The following TSC22D1 variants were observed in gnomAD, a reference collection of about 807,000 sequenced individuals.
TSC22D1 encodes TSC22 domain family protein 1.
A neutral mutation model predicts 74.2 loss-of-function variants in TSC22D1; 9 were observed. The ratio of observed to expected loss-of-function variants is 0.12; its 90% CI spans 0.07 to 0.21. The LOEUF is 0.21. TSC22D1 is among the 10% of genes least tolerant of loss of function. The probability of loss-of-function intolerance (pLI) is 1.00; values close to 1 mark genes in which losing one functional copy is unlikely to be tolerated. For missense variants in TSC22D1, 1,427 were observed against 1,304.7 expected (o/e 1.09, Z -1.44); for synonymous variants, 586 against 492.5 (o/e 1.19, Z -2.51).
chr13:44,445,696 T>G (rs893087581), intron 1 of TSC22D1, among the ~76,000 whole-genome samples: 4 of 151,764 alleles, frequency 2.6e-5, no homozygotes, highest in African/African-American at 9.7e-5. Flanking sequence ...AACAACCCAT[T>G]AAAAGAAAAG....
intron 1 of TSC22D1, among the ~76,000 whole-genome samples, chr13:44,470,185 C>T (rs1877518697): frequency 6.6e-6 from 1 of 152,090 alleles, no homozygotes; most frequent in African/African-American, 2.4e-5. Context: ...ATGAAGGGAA[C>T]AAATATGAAA....
At chr13:44,466,870 A>G (rs893884205) in intron 1 of TSC22D1, among the ~76,000 whole-genome samples, 1 of 151,854 alleles carries the variant, frequency 6.6e-6, no homozygotes, top group African/African-American at 2.4e-5. Context: ...ATTAGCAACA[A>G]TAACTGCTAT....
intron 1 of TSC22D1, chr13:44,451,493 T>C (rs532082035): frequency 6.6e-6 from 1 of 152,230 alleles, no homozygotes; most frequent in South Asian, 2.1e-4. Flanking sequence ...GAACGAAGTG[T>C]TTAAAAAATG....
At chr13:44,487,535 AAAAG>A (rs1488093761) in intron 1 of TSC22D1, among the ~76,000 whole-genome samples, 1 of 150,430 alleles carries the variant, frequency 6.6e-6, no homozygotes, top group Non-Finnish European at 1.5e-5. Flanking sequence ...AAAGAAAAGA[AAAAG>A]AAATTACCAG....
chr13:44,567,335 G>A (rs1052070493), intron 1 of TSC22D1, among the ~76,000 whole-genome samples: 2 of 152,126 alleles, frequency 1.3e-5, no homozygotes, highest in African/African-American at 4.8e-5. Flanking sequence ...TACCATACAG[G>A]AAAGCTAACA....
chr13:44,568,194 C>A (rs149490874), intron 1 of TSC22D1, among the ~76,000 whole-genome samples: 1 of 152,254 alleles, frequency 6.6e-6, no homozygotes, highest in East Asian at 1.9e-4. Flanking sequence ...AGACACTAGT[C>A]TCTGGAAAAT....
At chr13:44,508,518 T>G (rs1378420805) in intron 1 of TSC22D1, among the ~76,000 whole-genome samples, 1 of 152,164 alleles carries the variant, frequency 6.6e-6, no homozygotes, top group Non-Finnish European at 1.5e-5. Context: ...ACATAAATCA[T>G]GTCCCAACAC....
intron 1 of TSC22D1, among the ~76,000 whole-genome samples, chr13:44,552,690 T>C (rs989358278): frequency 2.6e-5 from 4 of 152,134 alleles, no homozygotes; most frequent in African/African-American, 9.7e-5. Flanking sequence ...TGAATACTAA[T>C]AGAAAATAAG....
chr13:44,494,849 C>G (rs1217908899), intron 1 of TSC22D1, among the ~76,000 whole-genome samples: 1 of 151,964 alleles, frequency 6.6e-6, no homozygotes, highest in East Asian at 1.9e-4. Context: ...GAAACATGGA[C>G]AAGGAACTAA....
chr13:44,527,073 C>T (rs910785244), intron 1 of TSC22D1, among the ~76,000 whole-genome samples: 2 of 151,808 alleles, frequency 1.3e-5, no homozygotes, highest in African/African-American at 4.8e-5. Context: ...AACTAGCAAC[C>T]TACAATTCTG....
chr13:44,516,239 C>CT (rs1879973911), intron 1 of TSC22D1: 1 of 361,700 alleles, frequency 2.8e-6, no homozygotes, highest in Non-Finnish European at 5.3e-6. Flanking sequence ...CATTAGTTTA[C>CT]TTGAGACTTT....
At position 44,519,089 on chromosome 13, in the gene TSC22D1, C is replaced by T. The variant is rs574668145; in HGVS notation, c.2912+54074G>A. Reference sequence around the variant, plus strand: ...TTTTCTTCAATAGCATTTATTTTACCATTATAGAAAAGCAAGGGGCTGGGA... The same window carrying T: ...TTTTCTTCAATAGCATTTATTTTACTATTATAGAAAAGCAAGGGGCTGGGA... On this transcript the variant is annotated intron_variant, in intron 1 of 2. Transcript: ENST00000458659. Among the ~76,000 whole-genome samples, 3 of 151,990 alleles carry T rather than the reference C, an allele frequency of 2.0e-5. No individual in the cohort carries two copies. The East Asian group carries it at 5.8e-4, about 29-fold the overall frequency.
intron 1 of TSC22D1, among the ~76,000 whole-genome samples, chr13:44,506,120 A>G (rs1879435301): frequency 6.6e-6 from 1 of 152,182 alleles, no homozygotes; most frequent in African/African-American, 2.4e-5. Context: ...GCACTGATGA[A>G]GGTATAACGA....
intron 1 of TSC22D1, among the ~76,000 whole-genome samples, chr13:44,469,256 C>A (rs2137902193): frequency 6.6e-6 from 1 of 152,218 alleles, no homozygotes; most frequent in South Asian, 2.1e-4. Context: ...CTTCCCTTTC[C>A]TAAATTCAAC....
chr13:44,451,222 G>A (rs1876104676), intron 1 of TSC22D1, among the ~76,000 whole-genome samples: 1 of 152,210 alleles, frequency 6.6e-6, no homozygotes, highest in African/African-American at 2.4e-5. Flanking sequence ...GACAGAAACA[G>A]ACAGACGGCA....
At chr13:44,533,611 C>G (rs1370621332) in intron 1 of TSC22D1, among the ~76,000 whole-genome samples, 1 of 151,822 alleles carries the variant, frequency 6.6e-6, no homozygotes, top group Non-Finnish European at 1.5e-5. Context: ...TGGTGAAGCC[C>G]CATCTCTACA....
At chr13:44,493,852 C>G (rs1363767278) in intron 1 of TSC22D1, among the ~76,000 whole-genome samples, 1 of 152,172 alleles carries the variant, frequency 6.6e-6, no homozygotes, top group Non-Finnish European at 1.5e-5. Context: ...TCAAGGCCAT[C>G]TGTCAAAACA....
At chr13:44,562,047 T>C (rs2048321800) in intron 1 of TSC22D1, among the ~76,000 whole-genome samples, 1 of 152,076 alleles carries the variant, frequency 6.6e-6, no homozygotes, top group Admixed American at 6.5e-5. Flanking sequence ...AAATTATATA[T>C]ATATATTTTT....
At chr13:44,498,082 TAAAACCAAAAAA>T (rs980065910) in intron 1 of TSC22D1, among the ~76,000 whole-genome samples, 4 of 121,470 alleles carry the variant, frequency 3.3e-5, no homozygotes, top group East Asian at 4.6e-4. Flanking sequence ...GGCAACATGA[TAAAACCAAAAAA>T]AAAACCAAAA....
Sources: allele counts gnomAD v4.1 joint callset (sites outside exome capture counted in the v4.1 genomes callset), GRCh38; gene constraint gnomAD v4.1.1; transcripts MANE v1.5; gene names NCBI Gene and HGNC (gene_info 2026-07-23, HGNC 2026-07-21).